PROSER1: variants seen among roughly 807,000 people sequenced by gnomAD.
PROSER1 encodes proline and serine rich 1, also known as proline and serine-rich protein 1.
In PROSER1, 36 loss-of-function variants were observed where a neutral mutation model predicts 71.8. That is an observed-to-expected ratio of 0.50 (90% CI 0.38 to 0.66). The LOEUF (loss-of-function observed/expected upper bound fraction) is 0.66. PROSER1 is among the 30% of genes least tolerant of loss of function. The pLI is 0.00. For missense variants in PROSER1, 1,107 were observed against 1,135.0 expected (o/e 0.98, Z 0.35); for synonymous variants, 490 against 452.4 (o/e 1.08, Z -1.06).
intron 9 of PROSER1, among the ~76,000 whole-genome samples, chr13:39,020,431 G>A (rs1229897723): frequency 6.6e-6 from 1 of 151,910 alleles, no homozygotes; most frequent in Non-Finnish European, 1.5e-5. Flanking sequence ...TCAGATGGAA[G>A]ATTTCTAACG....
intron 4 of PROSER1, 47 bp downstream of exon 4, chr13:39,029,234 A>G (rs1304303794): frequency 1.9e-6 from 2 of 1,077,280 alleles, no homozygotes; most frequent in East Asian, 2.7e-5. Context: ...ACGCTTCTAC[A>G]TTTTTTCCCA....
rs376216572 is a variant in PROSER1, at chr13:39,014,069, C to T, written c.1183G>A (p.Ala395Thr). The T allele has an allele frequency of 5.5e-5, 89 of 1,614,034 alleles. No individual in the cohort carries two copies. The highest frequency in any genetic ancestry group is 7.5e-5 in the Non-Finnish European group (88 of 1,180,044). Residue 395 changes from alanine to threonine, a missense_variant, in exon 11 of 13, where the codon GCA (alanine) becomes ACA (threonine). Physicochemically the swap from Ala to Thr is moderately conservative, Grantham distance 58 (BLOSUM62 0). Coordinates refer to ENST00000352251, the MANE Select transcript of PROSER1 (RefSeq NM_025138.5). The stretch of plus-strand genomic sequence containing the variant: ...AAAGGTGCAGAAGTAGAAGCAAATG[C>T]TTCACTGGAACCAAGAGTGGACCGT... Reference protein sequence around the residue: ...TPRSTLGSSEAFASTSAPFTS... With the variant: ...TPRSTLGSSETFASTSAPFTS...
rs1484912463 is a variant in PROSER1 at position 39,011,255 on chromosome 13, C to T, written c.*110G>A. 3 of 1,093,600 alleles carry T rather than the reference C, an allele frequency of 2.7e-6. No individual in the cohort carries two copies. Among genetic ancestry groups the T allele is most frequent in the East Asian group, 2.4e-5 (1 of 41,172 alleles). 67.7% of individuals were successfully genotyped at this position (1,093,600 alleles called of 1,614,324 possible). A position where few individuals can be genotyped will look rare whatever the true frequency, so the allele number is the denominator to read the frequency against. On this transcript the variant is annotated 3_prime_UTR_variant, in exon 13 of 13. Transcript: ENST00000352251. ...GTTGTCACAATTTCTCCAGGATTAC[C>T]CTCATTCTCATTTTCCGACTTTTGG...
intron 2 of PROSER1, among the ~76,000 whole-genome samples, chr13:39,033,870 C>CAGA (rs1184772931): frequency 6.6e-6 from 1 of 152,020 alleles, no homozygotes; most frequent in Non-Finnish European, 1.5e-5. Flanking sequence ...ATATTGTGCC[C>CAGA]AGAACCATAA....
chr13:39,033,495 A>AT (rs1437318574), intron 2 of PROSER1, among the ~76,000 whole-genome samples: 1 of 152,184 alleles, frequency 6.6e-6, no homozygotes, highest in Non-Finnish European at 1.5e-5. Context: ...TTCTCCAGAC[A>AT]TTTCTATTAA....
rs1869583753 is a variant in PROSER1 at position 39,010,342 on chromosome 13, A to G, written c.*1023T>C. 1.3e-5 allele frequency: 2 copies of G among 152,656 alleles called. No individual in the cohort carries two copies. Among genetic ancestry groups the G allele is most frequent in the Non-Finnish European group, 2.9e-5 (2 of 68,036 alleles). The allele number at this position is 152,656 out of a possible 1,614,324, so 9.5% of individuals were successfully genotyped here. A position where few individuals can be genotyped will look rare whatever the true frequency, so the allele number is the denominator to read the frequency against. ...GTAGAGTCTATAGTTTACACTTTTA[A>G]TCACAGATTGGAATTCATTCTCCTT... On this transcript the variant is annotated 3_prime_UTR_variant, in exon 13 of 13. Coordinates refer to ENST00000352251, the MANE Select transcript of PROSER1 (RefSeq NM_025138.5).
Position 39,013,902 on chromosome 13 carries a change from A to C in PROSER1, c.1350T>G (p.Ile450Met), listed in dbSNP as rs751613084. 2 of 1,614,222 alleles carry C rather than the reference A, an allele frequency of 1.2e-6. No homozygotes were observed. The highest frequency in any genetic ancestry group is 3.3e-5 in the Admixed American group (2 of 60,032). The change falls in exon 11 of 13, where the codon ATT becomes ATG. Residue 450 changes from isoleucine to methionine, a missense_variant. Ile to Met is a conservative substitution (Grantham distance 10). Transcript: ENST00000352251. ...CAACGCTGGGAGTAGAGCCACCAGC[A>C]ATTACAGGAGTCGGGTTGGATAGGC... is the stretch of plus-strand genomic sequence containing the variant. ...SQGLSNPTPV[I>M]AGGSTPSVAG...
rs1871137995 is a variant in PROSER1, at chr13:39,036,879, A to G, written c.45+319T>C. The stretch of plus-strand genomic sequence containing the variant: ...TTGTGTTACTGAAAGATGAGGCAAT[A>G]AACTCAAAAATATTAAACCCCTTAC... On this transcript the variant is annotated intron_variant, in intron 1 of 12. Coordinates refer to ENST00000352251, the MANE Select transcript of PROSER1 (RefSeq NM_025138.5). Among the ~76,000 whole-genome samples, 6 of 152,210 alleles carry G rather than the reference A, an allele frequency of 3.9e-5. No homozygotes were observed. The South Asian group carries it at 1.2e-3, about 32-fold the overall frequency.
chr13:39,029,247 T>TAATTAA, intron 4 of PROSER1, 34 bp downstream of exon 4: 4 of 743,894 alleles, frequency 5.4e-6, no homozygotes, highest in Admixed American at 4.2e-5. Flanking sequence ...TTTTCCCAAG[T>TAATTAA]AAAAAAAAAA....
At chr13:39,019,049 C>T (rs1453661790) in intron 9 of PROSER1, among the ~76,000 whole-genome samples, 2 of 152,108 alleles carry the variant, frequency 1.3e-5, no homozygotes, top group African/African-American at 2.4e-5. Context: ...ATTTCTTACA[C>T]GTCATTTTCT....
Position 39,037,823 on chromosome 13 carries a change from G to C in PROSER1, c.-581C>G, listed in dbSNP as rs940488958. On this transcript the variant is annotated 5_prime_UTR_variant, in exon 1 of 13. Coordinates refer to ENST00000352251, the MANE Select transcript of PROSER1 (RefSeq NM_025138.5). ...GCTCCGCCCGACTCCTGGATACCTC[G>C]GCCCCGGCAGCAGGCGGCCCGGCAG... is the stretch of plus-strand genomic sequence containing the variant. The C allele has an allele frequency of 6.6e-6, 1 of 152,240 alleles. No individual in the cohort carries two copies. 9.4% of individuals were successfully genotyped at this position (152,240 alleles called of 1,614,324 possible).
In PROSER1 at chr13:39,013,420, G is replaced by T. The variant is rs865939173; in HGVS notation, c.1832C>A (p.Pro611His). ...GAAGGCCGAGGGAGTAGGACTTGTG[G>T]GCTCAGTTTTGATCATAACAGGAAG... The part of the protein sequence containing the change: ...TTLPVMIKTE[P>H]TSPTPSAFKG... Residue 611 changes from proline to histidine, a missense_variant, in exon 11 of 13, where the codon CCC (proline) becomes CAC (histidine). Pro to His is a moderately conservative substitution (Grantham distance 77). Transcript: ENST00000352251. 1.9e-6 allele frequency: 3 copies of T among 1,614,126 alleles called. No homozygotes were observed. Among genetic ancestry groups the T allele is most frequent in the Middle Eastern group, 1.6e-4 (1 of 6,062 alleles).
chr13:39,014,131 G>C lies in PROSER1; in HGVS notation c.1121C>G (p.Thr374Ser), dbSNP rs769541663. Residue 374 changes from threonine (T) to serine (S), a missense_variant, in exon 11 of 13, where the codon ACT (threonine) becomes AGT (serine). Coordinates refer to ENST00000352251, the MANE Select transcript of PROSER1 (RefSeq NM_025138.5). ...GLVSLPGPSATPTAATPTPGP... is the reference protein window; with the variant it reads ...GLVSLPGPSASPTAATPTPGP... ...TGGGGTAGGAGTGGCTGCGGTAGGA[G>C]TGGCAGAAGGACCTGGCAGTGACAC... The C allele has an allele frequency of 6.2e-7, 1 of 1,614,192 alleles. No homozygotes were observed. Among genetic ancestry groups the C allele is most frequent in the Non-Finnish European group, 8.5e-7 (1 of 1,180,044 alleles).
intron 9 of PROSER1, among the ~76,000 whole-genome samples, chr13:39,018,473 GACACACACACACACACACAC>G (rs56659534): frequency 1.3e-4 from 16 of 120,204 alleles, no homozygotes; most frequent in East Asian, 2.6e-4. Context: ...TTTAAAACCC[GACACACACACACACACACAC>G]ACACACACAC....
chr13:39,021,165 A>G (rs1289306804), intron 9 of PROSER1, among the ~76,000 whole-genome samples: 1 of 152,138 alleles, frequency 6.6e-6, no homozygotes. Context: ...CCTACCTCTG[A>G]CAGGCACGGG....
At position 39,025,628 on chromosome 13, in the gene PROSER1, G is replaced by A. The variant is rs534738463; in HGVS notation, c.480+649C>T. Among the ~76,000 whole-genome samples, 20 of 152,240 alleles carry A rather than the reference G, an allele frequency of 1.3e-4. No individual in the cohort carries two copies. In the South Asian group the frequency reaches 3.5e-3, roughly 27 times the overall value. On this transcript the variant is annotated intron_variant, in intron 6 of 12. Coordinates refer to ENST00000352251, the MANE Select transcript of PROSER1 (RefSeq NM_025138.5). ...ACACTACCTTGCCAAGCATGTAAAC[G>A]AGTCACCTTGAGGCCCTATTCTTGG...
intron 6 of PROSER1, among the ~76,000 whole-genome samples, chr13:39,025,683 C>A (rs887910554): frequency 6.6e-6 from 1 of 152,148 alleles, no homozygotes; most frequent in Non-Finnish European, 1.5e-5. Flanking sequence ...ATGAATGTAA[C>A]CTCATGAAAA....
intron 10 of PROSER1, among the ~76,000 whole-genome samples, chr13:39,017,056 C>T (rs1870040283): frequency 6.6e-6 from 1 of 152,188 alleles, no homozygotes; most frequent in South Asian, 2.1e-4. Context: ...TGCTTTGGTG[C>T]CCCTTGTTCT....
chr13:39,017,515 GT>G lies in PROSER1; in HGVS notation c.759del (p.Lys253AsnfsTer54). On this transcript the variant is annotated frameshift_variant, in exon 10 of 13. Coordinates refer to ENST00000352251, the MANE Select transcript of PROSER1 (RefSeq NM_025138.5). LOFTEE classifies it high-confidence loss of function. ...TGCTACTTACTTTGATTCTGTATAG[GT>G]TTTGACGGATTCGAAAGGTCTTCAT... Reference protein sequence around the residue: ...TENEDLSNPSKPIQNQTFSTP... With the variant: ...TENEDLSNPSXPIQNQTFSTP... 6.5e-7 allele frequency: 1 copy of G among 1,545,928 alleles called. No homozygotes were observed. Among genetic ancestry groups the G allele is most frequent in the Non-Finnish European group, 8.9e-7 (1 of 1,127,554 alleles).
Sources: allele counts gnomAD v4.1 joint callset (sites outside exome capture counted in the v4.1 genomes callset), GRCh38; gene constraint gnomAD v4.1.1; transcripts MANE v1.5; gene names NCBI Gene and HGNC (gene_info 2026-07-23, HGNC 2026-07-21).